Variants in CDH4 observed in about 807,000 individuals in gnomAD.
CDH4 encodes the protein cadherin 4, also known as cadherin-4.
Under a neutral mutation model 86.0 loss-of-function variants are expected in CDH4, and 33 were observed. The observed-to-expected ratio is 0.38, with a 90% CI of 0.29 to 0.51. The LOEUF is 0.51. Among genes scored for constraint, CDH4 ranks in the 20% least tolerant of loss-of-function variants. CDH4 has a pLI of 0.86. For missense variants in CDH4, 1,114 were observed against 1,307.4 expected (o/e 0.85, Z 2.28); for synonymous variants, 555 against 549.4 (o/e 1.01, Z -0.14).
chr20:61,538,981 A>G (rs773487985), intron 2 of CDH4, among the ~76,000 whole-genome samples: 1 of 152,322 alleles, frequency 6.6e-6, no homozygotes, highest in Admixed American at 6.5e-5. Context: ...GGTTGTGGCC[A>G]TCAAGAAACC....
chr20:61,662,294 C>T lies in CDH4; in HGVS notation c.170-81269C>T, dbSNP rs567089854. Among the ~76,000 whole-genome samples the T allele has an allele frequency of 5.5e-4, 84 of 152,364 alleles. 1 individual carries two copies. The highest frequency in any genetic ancestry group is 2.0e-3 in the African/African-American group (82 of 41,584). On this transcript the variant is annotated intron_variant, in intron 2 of 15. Coordinates refer to ENST00000614565, the MANE Select transcript of CDH4 (RefSeq NM_001794.5). ...GGAATGGCCGTGGCAGAGGTAGGCC[C>T]TGGGCCCCTTTCTGGAGCCATCGCT...
rs960424668 is a variant in CDH4 at position 61,269,742 on chromosome 20, T to C, written c.169+14805T>C. ...TCTGGTCCCTGTGAAGTGACCTGCC[T>C]GGCTGCTGATATTTGGGAAAGGTGA... On this transcript the variant is annotated intron_variant, in intron 2 of 15. Coordinates refer to ENST00000614565, the MANE Select transcript of CDH4 (RefSeq NM_001794.5). The surrounding 1 kb of genome is among the most constrained non-coding windows in gnomAD (Gnocchi z 5.3). Among the ~76,000 whole-genome samples, 25 of 152,212 alleles carry C rather than the reference T, an allele frequency of 1.6e-4. No individual in the cohort carries two copies. The highest frequency in any genetic ancestry group is 2.5e-4 in the Non-Finnish European group (17 of 68,038).
At chr20:61,302,785 C>T (rs1022804631) in intron 2 of CDH4, among the ~76,000 whole-genome samples, 2 of 152,178 alleles carry the variant, frequency 1.3e-5, no homozygotes, top group Admixed American at 1.3e-4. Context: ...GCAGAAGGGA[C>T]TCTGCAGATG....
At chr20:61,768,306 C>T (rs1417161416) in intron 3 of CDH4, among the ~76,000 whole-genome samples, 2 of 152,118 alleles carry the variant, frequency 1.3e-5, no homozygotes, top group Non-Finnish European at 2.9e-5. Flanking sequence ...TACATGTAGT[C>T]ATACACCCAT....
At chr20:61,259,469 G>T (rs1166861539) in intron 2 of CDH4, among the ~76,000 whole-genome samples, 1 of 152,188 alleles carries the variant, frequency 6.6e-6, no homozygotes, top group Non-Finnish European at 1.5e-5. Flanking sequence ...ATGCATGGTG[G>T]CTGTGAAGTC....
intron 2 of CDH4, among the ~76,000 whole-genome samples, chr20:61,593,740 G>A (rs1400332651): frequency 6.6e-6 from 1 of 152,006 alleles, no homozygotes; most frequent in Non-Finnish European, 1.5e-5. Context: ...GAAGTCTCTT[G>A]AAGCAACATC....
At chr20:61,424,005 T>C (rs1392736343) in intron 2 of CDH4, among the ~76,000 whole-genome samples, 2 of 152,068 alleles carry the variant, frequency 1.3e-5, no homozygotes. Flanking sequence ...ACAGCACACA[T>C]ATATTCACAC....
At chr20:61,776,643 G>A (rs923566303) in intron 4 of CDH4, among the ~76,000 whole-genome samples, 1 of 152,218 alleles carries the variant, frequency 6.6e-6, no homozygotes, top group Non-Finnish European at 1.5e-5. Flanking sequence ...GCGTGTTAGG[G>A]CTGACGAGCT....
intron 2 of CDH4, among the ~76,000 whole-genome samples, chr20:61,595,952 G>A (rs752478194): frequency 8.5e-5 from 13 of 152,220 alleles, no homozygotes; most frequent in Non-Finnish European, 1.8e-4. Flanking sequence ...CTGGGCTCAG[G>A]GCAAGGAGGG....
At chr20:61,920,061 G>A (rs2054954904) in intron 9 of CDH4, among the ~76,000 whole-genome samples, 5 of 139,040 alleles carry the variant, frequency 3.6e-5, no homozygotes, top group South Asian at 2.4e-4. Flanking sequence ...TATCGTGATT[G>A]TGTGGAAGCG....
At chr20:61,401,634 C>T (rs1255185603) in intron 2 of CDH4, among the ~76,000 whole-genome samples, 2 of 152,198 alleles carry the variant, frequency 1.3e-5, no homozygotes, top group African/African-American at 4.8e-5. Flanking sequence ...ATATGGTGGG[C>T]ACTGTGACAT....
chr20:61,827,608 A>G (rs1411959351), intron 4 of CDH4, among the ~76,000 whole-genome samples: 2 of 152,270 alleles, frequency 1.3e-5, no homozygotes, highest in Non-Finnish European at 2.9e-5. Flanking sequence ...TCTATCCATT[A>G]TAGAGAAATA....
intron 2 of CDH4, among the ~76,000 whole-genome samples, chr20:61,352,535 C>A (rs1300328655): frequency 6.6e-6 from 1 of 152,240 alleles, no homozygotes; most frequent in East Asian, 1.9e-4. Flanking sequence ...GGCAGCCTCT[C>A]CGGTGCGCGG....
chr20:61,653,683 G>A (rs1299756405), intron 2 of CDH4, among the ~76,000 whole-genome samples: 1 of 116,924 alleles, frequency 8.6e-6, no homozygotes, highest in Non-Finnish European at 2.0e-5. Flanking sequence ...CGGCCGGGCA[G>A]AGACGCTCCT....
intron 2 of CDH4, among the ~76,000 whole-genome samples, chr20:61,603,085 G>A (rs920031104): frequency 1.3e-5 from 2 of 152,214 alleles, no homozygotes; most frequent in South Asian, 2.1e-4. Context: ...CCTGCCCTCA[G>A]AAGCTCTCAG....
chr20:61,288,790 G>C (rs377521915), intron 2 of CDH4, among the ~76,000 whole-genome samples: 7 of 152,162 alleles, frequency 4.6e-5, no homozygotes, highest in Admixed American at 4.6e-4. Context: ...AAAGCAGGGC[G>C]GCCAAACAAT....
At chr20:61,282,887 A>G (rs111164149) in intron 2 of CDH4, among the ~76,000 whole-genome samples, 2,416 of 115,718 alleles carry the variant, frequency 0.021, 5 homozygotes, top group Middle Eastern at 0.065. Flanking sequence ...ATGTACGTGC[A>G]TTTGCACGCG....
At chr20:61,430,776 G>A (rs938170619) in intron 2 of CDH4, among the ~76,000 whole-genome samples, 2 of 152,132 alleles carry the variant, frequency 1.3e-5, no homozygotes, top group African/African-American at 2.4e-5. Flanking sequence ...ATTTTATTTG[G>A]TAGCCTGCAT....
At chr20:61,816,308 T>C (rs1980711505) in intron 4 of CDH4, among the ~76,000 whole-genome samples, 1 of 152,190 alleles carries the variant, frequency 6.6e-6, no homozygotes, top group Non-Finnish European at 1.5e-5. Flanking sequence ...TTTTCTCAAA[T>C]CGCTCCCTGA....
Sources: gnomAD v4.1 joint callset for allele counts (sites outside exome capture counted in the v4.1 genomes callset) on GRCh38, gnomAD v4.1.1 for gene constraint, Gnocchi (gnomAD v3.1) non-coding constraint, MANE v1.5 for transcripts, NCBI Gene and HGNC (gene_info 2026-07-23, HGNC 2026-07-21) for gene names.